The following PPP1R14C variants were observed in gnomAD, a reference collection of about 807,000 sequenced individuals.
PPP1R14C encodes protein phosphatase 1 regulatory inhibitor subunit 14C, also known as protein phosphatase 1 regulatory subunit 14C.
Under a neutral mutation model 20.4 loss-of-function variants are expected in PPP1R14C, and 16 were observed. The ratio of observed to expected loss-of-function variants is 0.78; its 90% CI spans 0.53 to 1.19. The LOEUF is 1.19. Among genes scored for constraint, PPP1R14C ranks in the 50% most tolerant of loss-of-function variants. PPP1R14C has a pLI of 0.00. For missense variants in PPP1R14C, 211 were observed against 220.1 expected, an observed-to-expected ratio of 0.96 and a Z score of 0.26; for synonymous variants, 91 against 91.0, an observed-to-expected ratio of 1.00 and a Z score of 0.00.
At position 150,249,715 on chromosome 6, in the gene PPP1R14C, C is replaced by T. The variant is rs1778541044; in HGVS notation, c.*895C>T. The T allele has an allele frequency of 5.0e-6, 2 of 397,022 alleles. No homozygotes were observed. Among genetic ancestry groups the T allele is most frequent in the Non-Finnish European group, 8.9e-6 (2 of 225,586 alleles). The allele number at this position is 397,022 out of a possible 1,614,324, so 24.6% of individuals were successfully genotyped here. ...TTCCACCGAGTACTGTGTTTATTCT[C>T]TCTCCAGGAAAGCAGATCAAAAGAA... On this transcript the variant is annotated 3_prime_UTR_variant, in exon 4 of 4. Coordinates refer to ENST00000361131, the MANE Select transcript of PPP1R14C (RefSeq NM_030949.3).
intron 3 of PPP1R14C, among the ~76,000 whole-genome samples, chr6:150,243,483 G>T (rs1230520204): frequency 6.6e-6 from 1 of 151,990 alleles, no homozygotes. Context: ...CAGCCCTAAA[G>T]CTCTTAAGGA....
At chr6:150,193,781 T>C (rs1280960798) in intron 1 of PPP1R14C, among the ~76,000 whole-genome samples, 1 of 152,178 alleles carries the variant, frequency 6.6e-6, no homozygotes, top group Admixed American at 6.5e-5. Flanking sequence ...CCTTCTACCA[T>C]TCATAGGATG....
chr6:150,174,876 G>T (rs1241541640), intron 1 of PPP1R14C, among the ~76,000 whole-genome samples: 2 of 151,650 alleles, frequency 1.3e-5, no homozygotes, highest in Non-Finnish European at 2.9e-5. Context: ...TGAGACAGGA[G>T]AATTGCTTGA....
intron 1 of PPP1R14C, among the ~76,000 whole-genome samples, chr6:150,162,794 A>G (rs1191434749): frequency 6.6e-6 from 1 of 152,222 alleles, no homozygotes; most frequent in African/African-American, 2.4e-5. Context: ...ATGCAAATGA[A>G]TAAATCAGAA....
intron 1 of PPP1R14C, among the ~76,000 whole-genome samples, chr6:150,186,767 G>T (rs1332835247): frequency 6.6e-6 from 1 of 152,096 alleles, no homozygotes; most frequent in Non-Finnish European, 1.5e-5. Flanking sequence ...CTGAGAGCCT[G>T]GGGAAGAAAG....
In PPP1R14C at chr6:150,192,884, A is replaced by C. The variant is rs369032619; in HGVS notation, c.307-21860A>C. Among the ~76,000 whole-genome samples, 3 of 151,932 alleles carry C rather than the reference A, an allele frequency of 2.0e-5. No homozygotes were observed. The East Asian group carries it at 5.8e-4, about 29-fold the overall frequency. ...AGTGTCTCATCTTTCAGGGCCTCTC[A>C]TCTTTTGGGACTGGTACTAGTCCAT... On this transcript the variant is annotated intron_variant, in intron 1 of 3. Transcript: ENST00000361131.
intron 1 of PPP1R14C, among the ~76,000 whole-genome samples, chr6:150,202,561 C>T (rs942562255): frequency 2.0e-5 from 3 of 152,234 alleles, no homozygotes; most frequent in Admixed American, 6.5e-5. Context: ...GAAGAAGCTT[C>T]GGCCGACTTT....
At chr6:150,163,335 G>C (rs1044827715) in intron 1 of PPP1R14C, among the ~76,000 whole-genome samples, 4 of 152,200 alleles carry the variant, frequency 2.6e-5, no homozygotes, top group African/African-American at 9.7e-5. Context: ...AGATTGCAGT[G>C]AGCGGAGATC....
intron 1 of PPP1R14C, among the ~76,000 whole-genome samples, chr6:150,174,675 G>C (rs1162216989): frequency 6.6e-6 from 1 of 151,832 alleles, no homozygotes; most frequent in African/African-American, 2.4e-5. Context: ...TTAATAATAA[G>C]TAGTGAAAGC....
chr6:150,188,789 AATTACCTTCTT>A (rs1229265937), intron 1 of PPP1R14C, among the ~76,000 whole-genome samples: 3 of 151,428 alleles, frequency 2.0e-5, no homozygotes, highest in Admixed American at 2.0e-4. Flanking sequence ...CCTGGCTAGG[AATTACCTTCTT>A]ATGGGACATT....
chr6:150,169,454 C>T (rs1777473791), intron 1 of PPP1R14C, among the ~76,000 whole-genome samples: 1 of 152,074 alleles, frequency 6.6e-6, no homozygotes, highest in African/African-American at 2.4e-5. Context: ...GAACAAATGC[C>T]AATATCCAAC....
rs1031452878 is a variant in PPP1R14C at position 150,185,757 on chromosome 6, C to A, written c.307-28987C>A. Among the ~76,000 whole-genome samples the A allele has an allele frequency of 2.0e-5, 3 of 152,096 alleles. No homozygotes were observed. The highest frequency in any genetic ancestry group is 6.5e-5 in the Admixed American group (1 of 15,274). ...CAAACTTTCAGTGGCTTAAACCGAG[C>A]AAGTCATATTCTCACTCGTGCTGTG... On this transcript the variant is annotated intron_variant, in intron 1 of 3. Coordinates refer to ENST00000361131, the MANE Select transcript of PPP1R14C (RefSeq NM_030949.3). The surrounding 1 kb of genome is among the most constrained non-coding windows in gnomAD (Gnocchi z 4.1).
intron 3 of PPP1R14C, among the ~76,000 whole-genome samples, chr6:150,228,592 A>T (rs1778256454): frequency 6.6e-6 from 1 of 152,150 alleles, no homozygotes; most frequent in Non-Finnish European, 1.5e-5. Context: ...ATAGTTGACT[A>T]CCCATGTGGC....
chr6:150,149,443 A>ATTTTT lies in PPP1R14C; in HGVS notation c.306+5952_306+5956dup, dbSNP rs1216146263. On this transcript the variant is annotated intron_variant, in intron 1 of 3. Transcript: ENST00000361131. ...CAGGCTCAAGTGATCCTCCCACCTA[A>ATTTTT]TTTTTTTTTTTCTTTTTTTTTTTTT... Among the ~76,000 whole-genome samples the ATTTTT allele has an allele frequency of 7.5e-5, 9 of 119,944 alleles. 1 individual carries two copies. The highest frequency in any genetic ancestry group is 2.6e-4 in the African/African-American group (8 of 30,308). 78.7% of individuals were successfully genotyped at this position (119,944 alleles called of 152,430 possible). A position where few individuals can be genotyped will look rare whatever the true frequency, so the allele number is the denominator to read the frequency against.
chr6:150,211,637 C>T (rs2114907652), intron 1 of PPP1R14C, among the ~76,000 whole-genome samples: 1 of 152,320 alleles, frequency 6.6e-6, no homozygotes, highest in African/African-American at 2.4e-5. Flanking sequence ...TAGAATATTT[C>T]CATACTTCTC....
chr6:150,205,235 G>A (rs11757696), intron 1 of PPP1R14C, among the ~76,000 whole-genome samples: 6,259 of 152,006 alleles, frequency 0.041, 164 homozygotes, highest in African/African-American at 0.054. Flanking sequence ...TTGCTTTGCC[G>A]CCGCCCCCAG....
intron 3 of PPP1R14C, among the ~76,000 whole-genome samples, chr6:150,224,974 T>C: frequency 6.6e-6 from 1 of 151,896 alleles, no homozygotes; most frequent in East Asian, 1.9e-4. Context: ...ACTGTGAACT[T>C]CACAAGTGCT....
chr6:150,161,707 C>T (rs1029347338), intron 1 of PPP1R14C, among the ~76,000 whole-genome samples: 2 of 152,210 alleles, frequency 1.3e-5, no homozygotes, highest in African/African-American at 4.8e-5. Flanking sequence ...CGCTTATATG[C>T]ACTCCTTTTA....
chr6:150,243,174 C>CTTTT (rs574248701), intron 3 of PPP1R14C, among the ~76,000 whole-genome samples: 32 of 129,304 alleles, frequency 2.5e-4, no homozygotes, highest in African/African-American at 7.9e-4. Flanking sequence ...TCTAAAATTC[C>CTTTT]TTTTTTTTTT....
Sources: allele counts gnomAD v4.1 joint callset (sites outside exome capture counted in the v4.1 genomes callset), GRCh38; gene constraint gnomAD v4.1.1; non-coding constraint Gnocchi (gnomAD v3.1); transcripts MANE v1.5; gene names NCBI Gene and HGNC (gene_info 2026-07-23, HGNC 2026-07-21).